SGSM2: variants seen among roughly 807,000 people sequenced by gnomAD.
SGSM2 encodes the protein RUN and TBC1 domain containing 1.
SGSM2 carries 89 observed loss-of-function variants against 126.6 expected under a neutral mutation model. The observed-to-expected ratio is 0.70, with a 90% CI of 0.59 to 0.84. The LOEUF (loss-of-function observed/expected upper bound fraction) is 0.84. Among genes scored for constraint, SGSM2 ranks in the 40% least tolerant of loss-of-function variants. SGSM2 has a pLI of 0.00. For missense variants in SGSM2, 1,404 were observed against 1,416.6 expected (o/e 0.99, Z 0.14); for synonymous variants, 614 against 574.3 (o/e 1.07, Z -0.99).
In SGSM2 at chr17:2,373,098, C is replaced by A; in HGVS notation, c.1917+17C>A. Reference sequence around the variant, plus strand: ...ATGGAGCAGGTGAGGGGAGCCTGTTCCCATGGGGCTGATGAGATGGGGAGC... The same window carrying A: ...ATGGAGCAGGTGAGGGGAGCCTGTTACCATGGGGCTGATGAGATGGGGAGC... On this transcript the variant is annotated intron_variant, in intron 16 of 23. Coordinates refer to ENST00000268989, the MANE Select transcript of SGSM2 (RefSeq NM_014853.3). The A allele has an allele frequency of 6.3e-7, 1 of 1,594,152 alleles. No individual in the cohort carries two copies. The highest frequency in any genetic ancestry group is 8.5e-7 in the Non-Finnish European group (1 of 1,172,008).
intron 2 of SGSM2, among the ~76,000 whole-genome samples, chr17:2,358,873 G>GTTTTT (rs759581510): frequency 1.3e-3 from 113 of 88,158 alleles, no homozygotes; most frequent in South Asian, 2.2e-3. Context: ...TGTTGTTGTT[G>GTTTTT]TTTTTTTTTT....
At chr17:2,346,563 G>A (rs2064605540) in intron 2 of SGSM2, among the ~76,000 whole-genome samples, 1 of 152,194 alleles carries the variant, frequency 6.6e-6, no homozygotes, top group Non-Finnish European at 1.5e-5. Flanking sequence ...TTGCTTTGTT[G>A]AGTGTTTGCT....
At chr17:2,374,878 A>T (rs1192139980) in intron 17 of SGSM2, among the ~76,000 whole-genome samples, 1 of 151,992 alleles carries the variant, frequency 6.6e-6, no homozygotes. Context: ...GAAAAATCCC[A>T]AACAGTCTCT....
chr17:2,376,367 T>TCACA (rs2066154562), intron 19 of SGSM2, 106 bp downstream of exon 19: 5 of 1,473,022 alleles, frequency 3.4e-6, no homozygotes, highest in Non-Finnish European at 1.8e-6. Context: ...TGCTCCTGAA[T>TCACA]CACACTTGGC....
rs1207050512 is a variant in SGSM2, at chr17:2,379,844, G to A, written c.*324G>A. ...AGCCGCAGCCTGGACTGCTGCCCAC[G>A]AGTGAACCTGGGGCCCCACAGGATT... On this transcript the variant is annotated 3_prime_UTR_variant, in exon 24 of 24. Transcript: ENST00000268989. The A allele has an allele frequency of 6.9e-6, 9 of 1,309,712 alleles. No individual in the cohort carries two copies. Among genetic ancestry groups the A allele is most frequent in the Middle Eastern group, 3.0e-4 (1 of 3,388 alleles). 81.1% of individuals were successfully genotyped at this position (1,309,712 alleles called of 1,614,324 possible). A position where few individuals can be genotyped will look rare whatever the true frequency, so the allele number is the denominator to read the frequency against.
At chr17:2,341,198 A>G (rs1451751047) in intron 1 of SGSM2, among the ~76,000 whole-genome samples, 1 of 151,742 alleles carries the variant, frequency 6.6e-6, no homozygotes, top group East Asian at 1.9e-4. Context: ...AGCTCACTGC[A>G]ACCTCTGCCT....
chr17:2,338,544 G>A (rs553997857), intron 1 of SGSM2, among the ~76,000 whole-genome samples: 20 of 152,160 alleles, frequency 1.3e-4, no homozygotes, highest in Non-Finnish European at 2.5e-4. Flanking sequence ...TCCCCTGCCT[G>A]CCTCTGTGGC....
intron 17 of SGSM2, chr17:2,373,966 A>C: frequency 5.9e-6 from 1 of 169,536 alleles, no homozygotes; most frequent in East Asian, 1.7e-4. Context: ...GGGCCTGAGA[A>C]TAGGGGAGCC....
At chr17:2,338,766 G>A (rs7212844) in intron 1 of SGSM2, among the ~76,000 whole-genome samples, 4,806 of 94,884 alleles carry the variant, frequency 0.051, 185 homozygotes, top group African/African-American at 0.13. Context: ...TCTCTATGCC[G>A]TCTCCCTAAT....
intron 2 of SGSM2, among the ~76,000 whole-genome samples, chr17:2,358,279 C>T (rs944086238): frequency 6.6e-6 from 1 of 152,158 alleles, no homozygotes; most frequent in African/African-American, 2.4e-5. Context: ...TGAGACACGT[C>T]CCCGGGGAAG....
chr17:2,377,371 C>T (rs1479077685), intron 21 of SGSM2: 3 of 277,458 alleles, frequency 1.1e-5, no homozygotes, highest in African/African-American at 4.5e-5. Context: ...GTAGTCCCAG[C>T]TACTCGGGAG....
chr17:2,340,309 T>C (rs2064292792), intron 1 of SGSM2, among the ~76,000 whole-genome samples: 1 of 151,938 alleles, frequency 6.6e-6, no homozygotes, highest in Non-Finnish European at 1.5e-5. Context: ...GAGATGGGGT[T>C]TCACCATGTT....
Position 2,342,827 on chromosome 17 carries a change from A to G in SGSM2, c.58-718A>G, listed in dbSNP as rs562629107. Among the ~76,000 whole-genome samples, 3 of 152,164 alleles carry G rather than the reference A, an allele frequency of 2.0e-5. No homozygotes were observed. In the East Asian group the frequency reaches 5.8e-4, roughly 29 times the overall value. On this transcript the variant is annotated intron_variant, in intron 1 of 23. Transcript: ENST00000268989. ...CCCCATCGTTACTAAAAATACAAAA[A>G]TTAGCAGGGCGTGGTGGCATGCACC...
At chr17:2,338,145 G>C (rs2064170856) in intron 1 of SGSM2, among the ~76,000 whole-genome samples, 1 of 152,064 alleles carries the variant, frequency 6.6e-6, no homozygotes, top group South Asian at 2.1e-4. Context: ...TGTCGTGCGG[G>C]CCGAGCTTCC....
At chr17:2,368,891 C>A (rs1033197896) in intron 12 of SGSM2, among the ~76,000 whole-genome samples, 10 of 152,164 alleles carry the variant, frequency 6.6e-5, no homozygotes, top group African/African-American at 2.2e-4. Context: ...AGGCTAGAGG[C>A]TGGAGGGTCC....
intron 2 of SGSM2, among the ~76,000 whole-genome samples, chr17:2,360,466 T>C (rs1206210982): frequency 6.6e-6 from 1 of 152,240 alleles, no homozygotes; most frequent in Non-Finnish European, 1.5e-5. Flanking sequence ...GGAGAGGTCC[T>C]GCTGAAAGCC....
At chr17:2,370,888 G>C (rs2065836022) in intron 12 of SGSM2, among the ~76,000 whole-genome samples, 1 of 150,752 alleles carries the variant, frequency 6.6e-6, no homozygotes, top group South Asian at 2.1e-4. Context: ...TGAAGGCTGA[G>C]CTAGCTGGTG....
rs1196564277 is a variant in SGSM2 at position 2,376,122 on chromosome 17, C to G, written c.2485-15C>G. The stretch of plus-strand genomic sequence containing the variant: ...GCTGCCCGGTCTCATGCCTGAGGGC[C>G]CTCCACTCTTCCAGATAGAATTACT... On this transcript the variant is annotated splice_polypyrimidine_tract_variant and intron_variant, in intron 18 of 23. Transcript: ENST00000268989. 2 of 1,613,934 alleles carry G rather than the reference C, an allele frequency of 1.2e-6. No individual in the cohort carries two copies. The highest frequency in any genetic ancestry group is 4.5e-5 in the East Asian group (2 of 44,878).
At chr17:2,340,624 G>A (rs865973420) in intron 1 of SGSM2, among the ~76,000 whole-genome samples, 6 of 145,566 alleles carry the variant, frequency 4.1e-5, no homozygotes, top group Non-Finnish European at 6.0e-5. Flanking sequence ...TCGCTCTGTT[G>A]CCCAGGCTGG....
Sources: gnomAD v4.1 joint callset for allele counts (sites outside exome capture counted in the v4.1 genomes callset) on GRCh38, gnomAD v4.1.1 for gene constraint, MANE v1.5 for transcripts, NCBI Gene and HGNC (gene_info 2026-07-23, HGNC 2026-07-21) for gene names.